The following TRMT11 variants were observed in gnomAD, a reference collection of about 807,000 sequenced individuals.
The protein encoded by TRMT11 is tRNA methyltransferase 11, also known as tRNA (guanine(10)-N(2))-methyltransferase TRMT11.
TRMT11 carries 53 observed loss-of-function variants against 62.8 expected under a neutral mutation model. The ratio of observed to expected loss-of-function variants is 0.84; its 90% CI spans 0.68 to 1.06. The LOEUF is 1.06. TRMT11 is among the 50% of genes least tolerant of loss of function. The pLI is 0.00. For missense variants in TRMT11, 556 were observed against 553.4 expected (o/e 1.00, Z -0.05); for synonymous variants, 188 against 190.3 (o/e 0.99, Z 0.10).
the TRMT11 span, among the ~76,000 whole-genome samples, chr6:126,238,594 G>C: frequency 6.6e-6 from 1 of 152,048 alleles, no homozygotes; most frequent in African/African-American, 2.4e-5. Context: ...TATAATTTCT[G>C]TTCTTTTACA....
chr6:126,194,457 C>T (rs1043929579), intron 1 of TRMT11, among the ~76,000 whole-genome samples: 4 of 152,142 alleles, frequency 2.6e-5, no homozygotes, highest in Admixed American at 6.5e-5. Flanking sequence ...GTGCACTCAA[C>T]AAGACCTTAT....
chr6:126,007,053 C>A (rs1793464827), intron 7 of TRMT11: 1 of 151,932 alleles, frequency 6.6e-6, no homozygotes, highest in African/African-American at 2.4e-5. Flanking sequence ...GCTGCTTTTT[C>A]TAAATATGGA....
intron 7 of TRMT11, 91 bp downstream of exon 7, chr6:125,999,704 G>T: frequency 8.6e-7 from 1 of 1,168,212 alleles, no homozygotes; most frequent in Non-Finnish European, 1.2e-6. Context: ...AAGAGTAAAT[G>T]GATAATCTTT....
intron 21 of TRMT11, among the ~76,000 whole-genome samples, chr6:126,138,020 A>G (rs1777872530): frequency 6.6e-6 from 1 of 151,964 alleles, no homozygotes; most frequent in African/African-American, 2.4e-5. Context: ...TAGTTAATAG[A>G]AGGAATGTGT....
chr6:126,084,815 C>T (rs1412919642), intron 17 of TRMT11, among the ~76,000 whole-genome samples: 1 of 152,082 alleles, frequency 6.6e-6, no homozygotes, highest in African/African-American at 2.4e-5. Flanking sequence ...GGATATTGTG[C>T]TAAATGCAAC....
intron 16 of TRMT11, among the ~76,000 whole-genome samples, chr6:126,045,418 C>T (rs910794350): frequency 1.3e-5 from 2 of 152,172 alleles, no homozygotes; most frequent in South Asian, 4.1e-4. Context: ...CTTTGGGGCT[C>T]ATTAACAGGA....
the TRMT11 span, among the ~76,000 whole-genome samples, chr6:126,223,420 CG>C: frequency 7.2e-6 from 1 of 138,034 alleles, no homozygotes; most frequent in Non-Finnish European, 1.5e-5. Flanking sequence ...GACTCCGTCT[CG>C]AAAAAACAAA....
the TRMT11 span, among the ~76,000 whole-genome samples, chr6:126,212,607 G>T: frequency 3.3e-5 from 5 of 151,994 alleles, no homozygotes; most frequent in African/African-American, 4.8e-5. Flanking sequence ...CAGATATTTA[G>T]CCCATTTTTG....
intron 21 of TRMT11, among the ~76,000 whole-genome samples, chr6:126,125,566 C>T (rs1386789036): frequency 2.0e-4 from 31 of 151,930 alleles, no homozygotes; most frequent in Admixed American, 2.0e-3. Flanking sequence ...TATTATGGGC[C>T]ACGTATAGTG....
At chr6:126,253,430 G>A in the TRMT11 span, among the ~76,000 whole-genome samples, 1 of 152,200 alleles carries the variant, frequency 6.6e-6, no homozygotes, top group Non-Finnish European at 1.5e-5. Context: ...AAAAAGGATA[G>A]TATAGTGAAT....
At chr6:126,218,847 C>T in the TRMT11 span, among the ~76,000 whole-genome samples, 4 of 152,274 alleles carry the variant, frequency 2.6e-5, no homozygotes, top group African/African-American at 9.6e-5. Context: ...TCACTTTAGC[C>T]TGTGGTGATG....
At chr6:126,161,938 G>A (rs568901814) in intron 21 of TRMT11, among the ~76,000 whole-genome samples, 4 of 148,348 alleles carry the variant, frequency 2.7e-5, no homozygotes, top group Admixed American at 2.7e-4. Context: ...GATATCAAAA[G>A]TGGATATCCA....
At chr6:126,049,589 C>A (rs1226578697) in intron 16 of TRMT11, among the ~76,000 whole-genome samples, 1 of 151,876 alleles carries the variant, frequency 6.6e-6, no homozygotes. Context: ...TATGGGAGTT[C>A]CATGCATGGA....
chr6:126,174,308 C>T (rs1408539303), upstream of TRMT11, among the ~76,000 whole-genome samples: 1 of 152,230 alleles, frequency 6.6e-6, no homozygotes, highest in African/African-American at 2.4e-5. Flanking sequence ...ATTTCAGACA[C>T]ATCTACAGTC....
chr6:126,144,858 T>C (rs1777957082), intron 21 of TRMT11, among the ~76,000 whole-genome samples: 1 of 152,146 alleles, frequency 6.6e-6, no homozygotes, highest in Non-Finnish European at 1.5e-5. Context: ...TACAGAGAGA[T>C]TTTCAAGATT....
Position 126,011,181 on chromosome 6 carries a change from A to G in TRMT11, c.761-72A>G, listed in dbSNP as rs567929561. On this transcript the variant is annotated intron_variant, in intron 8 of 12. Transcript: ENST00000334379. ...GTAGGTTTCAGTGAGTTAAAACATT[A>G]CTTTTCCTAAATGACAGAAAATAAG... The G allele has an allele frequency of 5.8e-5, 77 of 1,333,418 alleles. No homozygotes were observed. The East Asian group carries it at 1.8e-3, about 31-fold the overall frequency. The allele number at this position is 1,333,418 out of a possible 1,614,324, so 82.6% of individuals were successfully genotyped here.
At chr6:126,014,942 A>G (rs1794760632) in intron 11 of TRMT11, among the ~76,000 whole-genome samples, 1 of 152,180 alleles carries the variant, frequency 6.6e-6, no homozygotes, top group African/African-American at 2.4e-5. Context: ...AGTACATGAA[A>G]TGATAGGTGA....
At chr6:126,245,526 G>A in the TRMT11 span, among the ~76,000 whole-genome samples, 1 of 152,236 alleles carries the variant, frequency 6.6e-6, no homozygotes, top group African/African-American at 2.4e-5. Flanking sequence ...AGGTCAGACT[G>A]GCAGAGGTAC....
intron 3 of TRMT11, among the ~76,000 whole-genome samples, chr6:125,996,285 G>C (rs1275735744): frequency 2.6e-5 from 4 of 152,224 alleles, no homozygotes; most frequent in African/African-American, 9.6e-5. Context: ...TATTATGCGG[G>C]AGTATAGTAT....
Sources: gnomAD v4.1 joint callset for allele counts (sites outside exome capture counted in the v4.1 genomes callset) on GRCh38, gnomAD v4.1.1 for gene constraint, MANE v1.5 for transcripts, NCBI Gene and HGNC (gene_info 2026-07-23, HGNC 2026-07-21) for gene names.